Variants in ZFYVE21 observed in about 807,000 individuals in gnomAD.
ZFYVE21 encodes the protein zinc finger FYVE-type containing 21, also known as zinc finger FYVE domain-containing protein 21.
Under a neutral mutation model 29.5 loss-of-function variants are expected in ZFYVE21, and 21 were observed. The observed-to-expected ratio is 0.71, with a 90% CI of 0.50 to 1.02. ZFYVE21 has a LOEUF of 1.02. ZFYVE21 is among the 50% of genes least tolerant of loss of function. The pLI is 0.00. For missense variants in ZFYVE21, 326 were observed against 335.4 expected (o/e 0.97, Z 0.22); for synonymous variants, 151 against 133.8 (o/e 1.13, Z -0.89).
At chr14:103,719,689 C>G in intron 1 of ZFYVE21, among the ~76,000 whole-genome samples, 1 of 151,928 alleles carries the variant, frequency 6.6e-6, no homozygotes, top group East Asian at 1.9e-4. Flanking sequence ...GATCTCAGCG[C>G]TTGGGTAAAG....
intron 6 of ZFYVE21, 52 bp downstream of exon 6, chr14:103,732,814 T>C (rs1427963653): frequency 1.9e-6 from 3 of 1,601,452 alleles, no homozygotes. Flanking sequence ...GACAAAAGCT[T>C]GCCTTTCCCA....
chr14:103,722,094 C>G (rs2083877172), intron 1 of ZFYVE21, among the ~76,000 whole-genome samples: 1 of 152,228 alleles, frequency 6.6e-6, no homozygotes, highest in African/African-American at 2.4e-5. Context: ...GGCTTGCTGT[C>G]CTGCGCTTCC....
At chr14:103,732,817 C>T in intron 6 of ZFYVE21, 55 bp downstream of exon 6, 2 of 1,601,184 alleles carry the variant, frequency 1.2e-6, no homozygotes, top group Admixed American at 1.7e-5. Flanking sequence ...AAAAGCTTGC[C>T]TTTCCCAGAG....
intron 1 of ZFYVE21, among the ~76,000 whole-genome samples, chr14:103,717,621 TC>T (rs1206315708): frequency 6.6e-6 from 1 of 152,250 alleles, no homozygotes; most frequent in African/African-American, 2.4e-5. Context: ...CGCGGTGACT[TC>T]CGACTGAGTG....
Position 103,733,078 on chromosome 14 carries a change from G to C in ZFYVE21, c.*60G>C, listed in dbSNP as rs916912179. On this transcript the variant is annotated 3_prime_UTR_variant, in exon 7 of 7. Coordinates refer to ENST00000311141, the MANE Select transcript of ZFYVE21 (RefSeq NM_024071.4). ...CACCAGGACTGAGTCGCTTGGAACAGCAGAGCCTGCTCCTTGCGTACCACA... is the reference window on the plus strand; with the variant it reads ...CACCAGGACTGAGTCGCTTGGAACACCAGAGCCTGCTCCTTGCGTACCACA... The C allele has an allele frequency of 5.0e-6, 8 of 1,607,492 alleles. No individual in the cohort carries two copies. The African/African-American group carries it at 9.4e-5, about 19-fold the overall frequency.
At chr14:103,730,070 G>T (rs1358688755) in intron 5 of ZFYVE21, 22 of 567,682 alleles carry the variant, frequency 3.9e-5, no homozygotes, top group Middle Eastern at 9.3e-4. Context: ...TGTCTCAGCG[G>T]GAGGGTTACC....
chr14:103,718,857 G>A (rs1473485783), intron 1 of ZFYVE21, among the ~76,000 whole-genome samples: 3 of 152,212 alleles, frequency 2.0e-5, no homozygotes, highest in Non-Finnish European at 4.4e-5. Flanking sequence ...GAGCCAGGAA[G>A]GAGAGAGCAC....
chr14:103,732,604 C>T lies in ZFYVE21; in HGVS notation c.527-16C>T, dbSNP rs201558691. The T allele has an allele frequency of 2.0e-4, 317 of 1,552,164 alleles. No homozygotes were observed. The highest frequency in any genetic ancestry group is 1.2e-3 in the Admixed American group (56 of 46,836). ...GGGCCTCCTTTGGGCCGTCTTACCT[C>T]GTCTCTCTCCTCCAGGAGGCAACGC... On this transcript the variant is annotated splice_polypyrimidine_tract_variant and intron_variant, in intron 5 of 6. Transcript: ENST00000311141.
intron 5 of ZFYVE21, chr14:103,729,927 G>C (rs774756757): frequency 3.9e-5 from 57 of 1,467,358 alleles, no homozygotes; most frequent in Non-Finnish European, 5.2e-5. Context: ...CTGTCCACGG[G>C]GTGGTCCATG....
intron 5 of ZFYVE21, chr14:103,730,610 T>C (rs1303887392): frequency 6.6e-6 from 1 of 152,648 alleles, no homozygotes; most frequent in Non-Finnish European, 1.5e-5. Context: ...GGGGGTGCAG[T>C]GAGCCCCGCT....
chr14:103,727,641 C>A (rs1413735460), intron 2 of ZFYVE21, 105 bp from the exon 3 acceptor site: 1 of 1,472,078 alleles, frequency 6.8e-7, no homozygotes. Flanking sequence ...GCACAGGGGC[C>A]TCGCGTTTAG....
intron 1 of ZFYVE21, among the ~76,000 whole-genome samples, chr14:103,723,573 A>T (rs571884368): frequency 6.6e-6 from 1 of 152,358 alleles, no homozygotes; most frequent in African/African-American, 2.4e-5. Context: ...CAGTGGCGAC[A>T]TGGAACTCGG....
rs924225293 is a variant in ZFYVE21 at position 103,716,108 on chromosome 14, C to T, written c.138+129C>T. ...GCCCCTTCCCCAGCCGGCCCCCGCCCCCGCTCTCTCCCAGGTTGGCCGCGT... is the reference window on the plus strand; with the variant it reads ...GCCCCTTCCCCAGCCGGCCCCCGCCTCCGCTCTCTCCCAGGTTGGCCGCGT... On this transcript the variant is annotated intron_variant, in intron 1 of 6. Coordinates refer to ENST00000311141, the MANE Select transcript of ZFYVE21 (RefSeq NM_024071.4). This position sits in a 1 kb window ranked among gnomAD's most constrained non-coding sequence, Gnocchi z 4.8. 6.4e-6 allele frequency: 6 copies of T among 933,466 alleles called. No individual in the cohort carries two copies. The highest frequency in any genetic ancestry group is 5.3e-5 in the African/African-American group (3 of 56,732). The allele number at this position is 933,466 out of a possible 1,614,324, so 57.8% of individuals were successfully genotyped here.
chr14:103,727,492 A>G (rs1418454227), intron 2 of ZFYVE21: 2 of 618,192 alleles, frequency 3.2e-6, no homozygotes, highest in Non-Finnish European at 6.0e-6. Context: ...GGACTTGGGT[A>G]GTTGAAAGAA....
chr14:103,727,617 G>A (rs770478269), intron 2 of ZFYVE21, 129 bp from the exon 3 acceptor site: 32 of 1,210,278 alleles, frequency 2.6e-5, no homozygotes, highest in Admixed American at 3.9e-5. Flanking sequence ...GGAGGTGCGC[G>A]TGTGCAGCGG....
rs1345601876 is a variant in ZFYVE21 at position 103,727,167 on chromosome 14, A to G, written c.189+325A>G. 14 of 353,078 alleles carry G rather than the reference A, an allele frequency of 4.0e-5. No individual in the cohort carries two copies. The East Asian group carries it at 9.8e-4, about 25-fold the overall frequency. 21.9% of individuals were successfully genotyped at this position (353,078 alleles called of 1,614,324 possible). A position where few individuals can be genotyped will look rare whatever the true frequency, so the allele number is the denominator to read the frequency against. On this transcript the variant is annotated intron_variant, in intron 2 of 6. Transcript: ENST00000311141. ...CACCATGTTGGCCAGGCTGGTCTCG[A>G]ACTCCTGACCTCAAATGATCCTCCC...
rs753298303 is a variant in ZFYVE21 at position 103,715,838 on chromosome 14, C to T, written c.-4C>T. 6.4e-6 allele frequency: 9 copies of T among 1,397,946 alleles called. No homozygotes were observed. Among genetic ancestry groups the T allele is most frequent in the Non-Finnish European group, 7.5e-6 (8 of 1,069,444 alleles). The allele number at this position is 1,397,946 out of a possible 1,614,324, so 86.6% of individuals were successfully genotyped here. On this transcript the variant is annotated 5_prime_UTR_variant, in exon 1 of 7. Transcript: ENST00000311141. ...GCCGCTGGCCGAGAGGCTGAGGCGG[C>T]GTCATGTCCTCCGAGGTGTCCGCGC...
rs1378546505 is a variant in ZFYVE21, at chr14:103,715,885, T to C, written c.44T>C (p.Val15Ala). The part of the protein sequence containing the change: ...VSARRDAKKL[V>A]RSPSGLRMVP... ...GCGCGCCGCGACGCCAAGAAGCTGG[T>C]GCGCTCCCCGAGCGGCCTGCGCATG... Residue 15 changes from valine (V) to alanine (A), a missense_variant, in exon 1 of 7, where the codon GTG becomes GCG. Transcript: ENST00000311141. 2 of 1,436,330 alleles carry C rather than the reference T, an allele frequency of 1.4e-6. No homozygotes were observed. Among genetic ancestry groups the C allele is most frequent in the Non-Finnish European group, 1.8e-6 (2 of 1,089,326 alleles). 89.0% of individuals were successfully genotyped at this position (1,436,330 alleles called of 1,614,324 possible).
At chr14:103,731,247 TTGCAG>T (rs1372404656) in intron 5 of ZFYVE21, 1 of 129,762 alleles carries the variant, frequency 7.7e-6, no homozygotes, top group African/African-American at 2.9e-5. Flanking sequence ...GAGGCGGAGG[TTGCAG>T]TGAGCTGAGA....
Sources: allele counts gnomAD v4.1 joint callset (sites outside exome capture counted in the v4.1 genomes callset), GRCh38; gene constraint gnomAD v4.1.1; non-coding constraint Gnocchi (gnomAD v3.1); transcripts MANE v1.5; gene names NCBI Gene and HGNC (gene_info 2026-07-23, HGNC 2026-07-21).